The following TRIM39 variants were observed in gnomAD, a reference collection of about 807,000 sequenced individuals.
TRIM39 encodes E3 ubiquitin-protein ligase TRIM39.
A neutral mutation model predicts 53.6 loss-of-function variants in TRIM39; 5 were observed. The ratio of observed to expected loss-of-function variants is 0.09; its 90% CI spans 0.05 to 0.20. The LOEUF (loss-of-function observed/expected upper bound fraction) is 0.20, where lower values mean the gene tolerates loss of function less well. Ranked by LOEUF, TRIM39 falls within the 10% of genes least tolerant of loss-of-function variation. The probability of loss-of-function intolerance (pLI) is 1.00; values close to 1 mark genes in which losing one functional copy is unlikely to be tolerated. For missense variants in TRIM39, 310 were observed against 621.0 expected, an observed-to-expected ratio of 0.50 and a Z score of 5.32; for synonymous variants, 196 against 237.6, an observed-to-expected ratio of 0.82 and a Z score of 1.61.
Position 30,339,984 on chromosome 6 carries a change from G to A in TRIM39, c.803+54G>A. ...AGTTAGGTCTTGGCTTAGAGAGGAG[G>A]GGTACAGTCAGGAGTTTGGGTTGGG... On this transcript the variant is annotated intron_variant, in intron 6 of 7. Transcript: ENST00000396551. This position sits in a 1 kb window ranked among gnomAD's most constrained non-coding sequence, Gnocchi z 4.2. The A allele has an allele frequency of 6.2e-7, 1 of 1,613,698 alleles. No homozygotes were observed. The highest frequency in any genetic ancestry group is 1.1e-5 in the South Asian group (1 of 90,992).
rs186127310 is a variant in TRIM39 at position 30,340,978 on chromosome 6, C to G, written c.919+358C>G. On this transcript the variant is annotated intron_variant, in intron 7 of 7. Transcript: ENST00000396551. ...ATCCTAGCACTTTGGGAGGCCAAGG[C>G]TGGTGGATCACTTGAGGTCAGGAGT... is the stretch of plus-strand genomic sequence containing the variant. Among the ~76,000 whole-genome samples the G allele has an allele frequency of 5.7e-3, 874 of 152,228 alleles. 2 individuals are homozygous for G. The highest frequency in any genetic ancestry group is 0.031 in the Middle Eastern group (9 of 294).
chr6:30,341,606 GA>G (rs1787557925), intron 7 of TRIM39, 105 bp from the exon 8 acceptor site: 1 of 1,467,946 alleles, frequency 6.8e-7, no homozygotes, highest in Admixed American at 2.3e-5. Context: ...TTGTTCTGGG[GA>G]CCTTTAAGGG....
chr6:30,333,206 G>C (rs956574692), intron 4 of TRIM39, among the ~76,000 whole-genome samples: 1 of 152,110 alleles, frequency 6.6e-6, no homozygotes, highest in East Asian at 1.9e-4. Flanking sequence ...ATAACTTTTG[G>C]TAAAGTTCTA....
At chr6:30,336,626 CT>C (rs1332943074) in intron 5 of TRIM39, among the ~76,000 whole-genome samples, 6 of 152,204 alleles carry the variant, frequency 3.9e-5, no homozygotes, top group African/African-American at 1.4e-4. Context: ...GCATGTGATG[CT>C]GTTTAATAGC....
In TRIM39 at chr6:30,336,188, T is replaced by A. The variant is rs1786838919; in HGVS notation, c.780+213T>A. 5 of 752,468 alleles carry A rather than the reference T, an allele frequency of 6.6e-6. No homozygotes were observed. The South Asian group carries it at 7.4e-5, about 11-fold the overall frequency. The allele number at this position is 752,468 out of a possible 1,614,324, so 46.6% of individuals were successfully genotyped here. A position where few individuals can be genotyped will look rare whatever the true frequency, so the allele number is the denominator to read the frequency against. On this transcript the variant is annotated intron_variant, in intron 5 of 7. Transcript: ENST00000396551. ...TGTGTTCTTATCTCTGGTCAGCAAT[T>A]ATGTGCTTAATCTGTTCCAAAGAAA...
chr6:30,342,274 G>C lies in TRIM39; in HGVS notation c.*15G>C. Reference sequence around the variant, plus strand: ...ATTGGGAGTGACAGGTTGGGATGTGGGAATGACTGGGGTGAGGCAGGGTCA... The same window carrying C: ...ATTGGGAGTGACAGGTTGGGATGTGCGAATGACTGGGGTGAGGCAGGGTCA... On this transcript the variant is annotated 3_prime_UTR_variant, in exon 8 of 8. Transcript: ENST00000396551. The surrounding 1 kb of genome is among the most constrained non-coding windows in gnomAD (Gnocchi z 4.7). The C allele has an allele frequency of 6.2e-7, 1 of 1,609,966 alleles. No homozygotes were observed. Among genetic ancestry groups the C allele is most frequent in the South Asian group, 1.1e-5 (1 of 90,600 alleles).
Position 30,335,819 on chromosome 6 carries a change from G to T in TRIM39, c.624G>T (p.Gln208His). The stretch of plus-strand genomic sequence containing the variant: ...TTCATAGGCGGCTGGATGAAGAGCA[G>T]CAGGTGTTGCTTTCACGACTGGAAG... The change falls in exon 5 of 8, where the codon CAG becomes CAT. Residue 208 changes from glutamine to histidine, a missense_variant. This residue lies in a region of TRIM39 where 161 missense variants were observed against 210.0 expected (regional missense o/e 0.77). Coordinates refer to ENST00000396551, the Ensembl canonical transcript of TRIM39. The surrounding 1 kb of genome is among the most constrained non-coding windows in gnomAD (Gnocchi z 4.7). 1 of 1,613,034 alleles carries T rather than the reference G, an allele frequency of 6.2e-7. No homozygotes were observed. The highest frequency in any genetic ancestry group is 8.5e-7 in the Non-Finnish European group (1 of 1,180,032).
intron 5 of TRIM39, among the ~76,000 whole-genome samples, chr6:30,337,521 C>A (rs1199631612): frequency 1.3e-5 from 2 of 152,186 alleles, no homozygotes; most frequent in East Asian, 1.9e-4. Flanking sequence ...CCAGTCTGGG[C>A]AATATAGCAG....
At chr6:30,333,074 G>T (rs190526837) in intron 4 of TRIM39, among the ~76,000 whole-genome samples, 2 of 152,192 alleles carry the variant, frequency 1.3e-5, no homozygotes, top group African/African-American at 4.8e-5. Flanking sequence ...TTATATGCTT[G>T]CCCCTATATG....
Position 30,342,070 on chromosome 6 carries a change from G to T in TRIM39, c.1278G>T (p.Lys426Asn). 1 of 1,613,048 alleles carries T rather than the reference G, an allele frequency of 6.2e-7. No individual in the cohort carries two copies. ...CTTTGCACATCAAGGTGAAACCCAA[G>T]CGGGTAGGCATATTCCTAGACTATG... is the stretch of plus-strand genomic sequence containing the variant. Residue 426 changes from lysine (K) to asparagine (N), a missense_variant, in exon 8 of 8, where the codon AAG becomes AAT. Lys to Asn is a moderately conservative substitution (Grantham distance 94). Coordinates refer to ENST00000396551, the Ensembl canonical transcript of TRIM39. The surrounding 1 kb of genome is among the most constrained non-coding windows in gnomAD (Gnocchi z 4.7).
chr6:30,334,046 A>C (rs1025955496), intron 4 of TRIM39, among the ~76,000 whole-genome samples: 6 of 152,212 alleles, frequency 3.9e-5, no homozygotes, highest in African/African-American at 1.4e-4. Context: ...AAATGTGAGA[A>C]TATATTTTGT....
intron 4 of TRIM39, among the ~76,000 whole-genome samples, chr6:30,333,013 G>C (rs930125663): frequency 6.6e-6 from 1 of 152,248 alleles, no homozygotes; most frequent in South Asian, 2.1e-4. Context: ...ATAAAATGTG[G>C]TATGTAATAT....
chr6:30,342,258 G>A lies in TRIM39; in HGVS notation c.1466G>A (p.Ter489=). The A allele has an allele frequency of 6.2e-7, 1 of 1,612,136 alleles. No individual in the cohort carries two copies. The highest frequency in any genetic ancestry group is 1.1e-5 in the South Asian group (1 of 90,956). ...ATCAGGCCCCCAACAGATTGGGAGT[G>A]ACAGGTTGGGATGTGGGAATGACTG... Residue 489 remains the stop codon, a stop_retained_variant, in exon 8 of 8, where the codon TGA becomes TAA. Coordinates refer to ENST00000396551, the Ensembl canonical transcript of TRIM39. This position sits in a 1 kb window ranked among gnomAD's most constrained non-coding sequence, Gnocchi z 4.7.
chr6:30,340,291 G>A (rs1787348919), intron 6 of TRIM39: 6 of 1,612,826 alleles, frequency 3.7e-6, no homozygotes, highest in East Asian at 2.2e-5. Context: ...TAGAAAGTTC[G>A]GAGGCTCACT....
intron 4 of TRIM39, among the ~76,000 whole-genome samples, chr6:30,334,229 T>C (rs1316953061): frequency 3.3e-5 from 5 of 152,192 alleles, no homozygotes; most frequent in African/African-American, 9.7e-5. Context: ...CTGCCTTTCA[T>C]TCCCTATCCA....
chr6:30,331,217 C>G (rs1786113729), intron 4 of TRIM39, among the ~76,000 whole-genome samples: 1 of 150,816 alleles, frequency 6.6e-6, no homozygotes, highest in Non-Finnish European at 1.5e-5. Context: ...TGCAGTGAGC[C>G]AAGATCACAC....
Position 30,342,055 on chromosome 6 carries a change from C to T in TRIM39, c.1263C>T (p.Ile421=). ...CCACACCTTTTACCCCTTTGCACAT[C>T]AAGGTGAAACCCAAGCGGGTAGGCA... The change falls in exon 8 of 8, where the codon ATC becomes ATT. Residue 421 remains isoleucine, a synonymous_variant. Transcript: ENST00000396551. The surrounding 1 kb of genome is among the most constrained non-coding windows in gnomAD (Gnocchi z 4.7). 6.2e-7 allele frequency: 1 copy of T among 1,613,060 alleles called. No individual in the cohort carries two copies. Among genetic ancestry groups the T allele is most frequent in the Non-Finnish European group, 8.5e-7 (1 of 1,180,032 alleles).
Position 30,335,948 on chromosome 6 carries a change from C to T in TRIM39, c.753C>T (p.Cys251=). The T allele has an allele frequency of 6.2e-7, 1 of 1,612,912 alleles. No homozygotes were observed. The highest frequency in any genetic ancestry group is 8.5e-7 in the Non-Finnish European group (1 of 1,180,018). Residue 251 remains cysteine (C), a synonymous_variant, in exon 5 of 8, where the codon TGC becomes TGT. Transcript: ENST00000396551. The surrounding 1 kb of genome is among the most constrained non-coding windows in gnomAD (Gnocchi z 4.7). ...TGGCTGCCGAGGTGGAGGGCAAGTG[C>T]TTACAGTCAGGCTTCGAGATGCTTA...
chr6:30,330,473 T>C (rs921491116), intron 3 of TRIM39, among the ~76,000 whole-genome samples: 1 of 152,120 alleles, frequency 6.6e-6, no homozygotes, highest in Non-Finnish European at 1.5e-5. Context: ...TGGATGGTAA[T>C]AGGCAGTTGC....
Sources: gnomAD v4.1 joint callset for allele counts (sites outside exome capture counted in the v4.1 genomes callset) on GRCh38, gnomAD v4.1.1 for gene constraint, gnomAD v4.1.1 regional missense constraint, Gnocchi (gnomAD v3.1) non-coding constraint, MANE v1.5 for transcripts, NCBI Gene and HGNC (gene_info 2026-07-23, HGNC 2026-07-21) for gene names.